The following PCDH11X variants were observed in gnomAD, a reference collection of about 807,000 sequenced individuals.
The protein encoded by PCDH11X is protocadherin 11 X-linked, also known as protocadherin-11 X-linked.
PCDH11X carries 18 observed loss-of-function variants against 53.3 expected under a neutral mutation model. The ratio of observed to expected loss-of-function variants is 0.34; its 90% CI spans 0.23 to 0.50. PCDH11X has a LOEUF of 0.50. Ranked by LOEUF, PCDH11X falls within the 20% of genes least tolerant of loss-of-function variation. PCDH11X has a pLI of 0.98. For missense variants in PCDH11X, 570 were observed against 1,032.4 expected (o/e 0.55, Z 6.14); for synonymous variants, 279 against 393.3 (o/e 0.71, Z 3.44).
chrX:92,417,004 C>T (rs765289559), intron 9 of PCDH11X, among the ~76,000 whole-genome samples: 2 of 109,955 alleles, frequency 1.8e-5, no homozygotes, highest in African/African-American at 6.6e-5. Context: ...GTAAATATAC[C>T]TCATTGATTT....
chrX:92,489,936 A>G (rs2073725118), intron 10 of PCDH11X, among the ~76,000 whole-genome samples: 1 of 102,286 alleles, frequency 9.8e-6, no homozygotes, highest in Non-Finnish European at 2.0e-5. Context: ...TAATTATATA[A>G]TAATAATAAC....
At chrX:92,596,855 A>G (rs969658735) in intron 10 of PCDH11X, among the ~76,000 whole-genome samples, 29 of 109,790 alleles carry the variant, frequency 2.6e-4, no homozygotes, top group African/African-American at 8.9e-4. Context: ...TAAAAAGATT[A>G]TTTATCATGA....
intron 8 of PCDH11X, among the ~76,000 whole-genome samples, chrX:92,314,132 T>G (rs2069019711): frequency 8.9e-6 from 1 of 112,764 alleles, no homozygotes; most frequent in African/African-American, 3.2e-5. Flanking sequence ...GTAATAACAC[T>G]TAGTTTAAAA....
chrX:92,029,691 G>A (rs2148012158), intron 6 of PCDH11X, among the ~76,000 whole-genome samples: 1 of 110,407 alleles, frequency 9.1e-6, no homozygotes, highest in Admixed American at 9.8e-5. Context: ...ATGGGGGAGA[G>A]GGAGTACATT....
chrX:92,351,448 A>T (rs2070047900), intron 8 of PCDH11X, among the ~76,000 whole-genome samples: 1 of 111,374 alleles, frequency 9.0e-6, no homozygotes, highest in African/African-American at 3.3e-5. Flanking sequence ...TTTTCTTTCC[A>T]TTTCTTTAGC....
chrX:92,562,656 C>T (rs1169176653), intron 10 of PCDH11X, among the ~76,000 whole-genome samples: 1 of 110,211 alleles, frequency 9.1e-6, no homozygotes, highest in Non-Finnish European at 1.9e-5. Flanking sequence ...AGCAGCCAGG[C>T]CAAATCTTGA....
intron 6 of PCDH11X, among the ~76,000 whole-genome samples, chrX:92,191,609 G>A (rs1241458720): frequency 8.9e-6 from 1 of 112,004 alleles, no homozygotes; most frequent in Non-Finnish European, 1.9e-5. Flanking sequence ...TTCATTATTG[G>A]GTTATTGACA....
At chrX:91,941,528 C>T (rs112637145) in intron 6 of PCDH11X, among the ~76,000 whole-genome samples, 1,856 of 107,873 alleles carry the variant, frequency 0.017, 36 homozygotes, top group African/African-American at 0.058. Context: ...TATTCATGTT[C>T]GTGCAACTAA....
At chrX:92,185,203 A>G (rs2066069911) in intron 6 of PCDH11X, among the ~76,000 whole-genome samples, 1 of 110,882 alleles carries the variant, frequency 9.0e-6, no homozygotes, top group Non-Finnish European at 1.9e-5. Flanking sequence ...CTATGATTGC[A>G]CCACTGCACT....
chrX:92,371,087 ATT>A (rs1569475868), intron 8 of PCDH11X, among the ~76,000 whole-genome samples: 1 of 111,196 alleles, frequency 9.0e-6, no homozygotes. Flanking sequence ...CCTTCAACCT[ATT>A]TGTGTTCTTA....
chrX:92,546,024 T>C (rs2074849108), intron 10 of PCDH11X, among the ~76,000 whole-genome samples: 1 of 103,245 alleles, frequency 9.7e-6, no homozygotes, highest in Non-Finnish European at 2.1e-5. Flanking sequence ...GTGAACCCAA[T>C]GATAAACTTC....
chrX:91,932,674 G>GTA (rs1392727421), intron 6 of PCDH11X, among the ~76,000 whole-genome samples: 2 of 84,935 alleles, frequency 2.4e-5, no homozygotes, highest in Non-Finnish European at 4.3e-5. Flanking sequence ...TTGTGTGAGT[G>GTA]TGTGTGTGTG....
At chrX:92,147,841 T>TTCTTTCTCTTTCTTTC (rs2065306384) in intron 6 of PCDH11X, among the ~76,000 whole-genome samples, 2 of 99,588 alleles carry the variant, frequency 2.0e-5, no homozygotes, top group African/African-American at 7.9e-5. Flanking sequence ...CTTTCTTTCT[T>TTCTTTCTCTTTCTTTC]TCTTTCTTTC....
intron 7 of PCDH11X, among the ~76,000 whole-genome samples, chrX:92,215,722 G>A (rs1338492372): frequency 1.9e-5 from 2 of 104,067 alleles, no homozygotes; most frequent in African/African-American, 7.0e-5. Flanking sequence ...GCATGCAGCT[G>A]GAGATCTGAG....
intron 10 of PCDH11X, among the ~76,000 whole-genome samples, chrX:92,547,024 A>T (rs745478586): frequency 2.7e-5 from 3 of 109,574 alleles, no homozygotes; most frequent in East Asian, 2.9e-4. Context: ...CATTCACTGC[A>T]TGGGAAGAAA....
At chrX:92,438,870 G>T (rs2072449522) in intron 9 of PCDH11X, among the ~76,000 whole-genome samples, 2 of 111,195 alleles carry the variant, frequency 1.8e-5, no homozygotes, top group South Asian at 7.6e-4. Context: ...GTACTGAACA[G>T]ATTTGTATGC....
chrX:91,781,101 C>A (rs1009100657), intron 1 of PCDH11X, among the ~76,000 whole-genome samples: 3 of 111,748 alleles, frequency 2.7e-5, no homozygotes, highest in African/African-American at 6.5e-5. Context: ...TGCGCCACTG[C>A]GGCACACACC....
At chrX:92,245,626 G>C (rs1245888167) in intron 7 of PCDH11X, among the ~76,000 whole-genome samples, 2 of 112,057 alleles carry the variant, frequency 1.8e-5, no homozygotes, top group East Asian at 2.8e-4. Flanking sequence ...CTAGCCTGGT[G>C]AATGAATGAG....
rs1491110500 is a variant in PCDH11X at position 92,326,623 on chromosome X, T to TATATATATATATATATATATA, written c.3145-61095_3145-61094insTATAATATATATATATATATA. Among the ~76,000 whole-genome samples the TATATATATATATATATATATA allele has an allele frequency of 1.8e-3, 80 of 45,024 alleles. 1 individual carries two copies. The highest frequency in any genetic ancestry group is 1.9e-3 in the Non-Finnish European group (56 of 29,916). 39.1% of individuals were successfully genotyped at this position (45,024 alleles called of 115,157 possible). On this transcript the variant is annotated intron_variant, in intron 8 of 10. Coordinates refer to ENST00000682573, the MANE Select transcript of PCDH11X (RefSeq NM_032968.5). The stretch of plus-strand genomic sequence containing the variant: ...TTATTTTCAATTATTTTTAATAAAC[T>TATATATATATATATATATATA]ATATATATATATATATAGAGAGAGA...
Sources: gnomAD v4.1 joint callset for allele counts (sites outside exome capture counted in the v4.1 genomes callset) on GRCh38, gnomAD v4.1.1 for gene constraint, MANE v1.5 for transcripts, NCBI Gene and HGNC (gene_info 2026-07-23, HGNC 2026-07-21) for gene names.